The following GMEB1 variants were observed in gnomAD, a reference collection of about 807,000 sequenced individuals.
The protein encoded by GMEB1 is glucocorticoid modulatory element binding protein 1.
GMEB1 carries 6 observed loss-of-function variants against 52.4 expected under a neutral mutation model. That is an observed-to-expected ratio of 0.11 (90% CI 0.06 to 0.23). The LOEUF (loss-of-function observed/expected upper bound fraction) is 0.23. Among genes scored for constraint, GMEB1 ranks in the 10% least tolerant of loss-of-function variants. GMEB1 has a pLI of 1.00. For synonymous variants in GMEB1, 255 were observed against 244.9 expected, an observed-to-expected ratio of 1.04 and a Z score of -0.38; for missense variants, 486 against 685.6, an observed-to-expected ratio of 0.71 and a Z score of 3.25.
At chr1:28,710,831 AAAGG>A (rs1671027330) in intron 9 of GMEB1, among the ~76,000 whole-genome samples, 189 bp downstream of exon 9, 1 of 151,952 alleles carries the variant, frequency 6.6e-6, no homozygotes. Flanking sequence ...AAGGAAAAAA[AAAGG>A]AAGCTGCCAT....
intron 2 of GMEB1, among the ~76,000 whole-genome samples, chr1:28,689,354 C>T (rs1409142537): frequency 4.0e-5 from 6 of 151,764 alleles, no homozygotes; most frequent in African/African-American, 1.2e-4. Context: ...GAGCTGGGTG[C>T]GGTGGCTCAT....
intron 1 of GMEB1, among the ~76,000 whole-genome samples, chr1:28,670,547 C>T (rs374429971): frequency 6.6e-6 from 1 of 152,128 alleles, no homozygotes; most frequent in South Asian, 2.1e-4. Context: ...AGGCTGGTCT[C>T]GAACTCCCAA....
intron 1 of GMEB1, among the ~76,000 whole-genome samples, chr1:28,678,020 C>A (rs1026558336): frequency 6.6e-6 from 1 of 151,834 alleles, no homozygotes. Context: ...CCCGTCTCTA[C>A]TAAAAATACA....
At chr1:28,708,882 A>G (rs1018779886) in intron 8 of GMEB1, among the ~76,000 whole-genome samples, 1 of 151,860 alleles carries the variant, frequency 6.6e-6, no homozygotes, top group Non-Finnish European at 1.5e-5. Context: ...CTGTAATCCC[A>G]GCACTTTGGG....
At chr1:28,691,873 T>G (rs541433979) in intron 4 of GMEB1, among the ~76,000 whole-genome samples, 164 bp downstream of exon 4, 20 of 151,702 alleles carry the variant, frequency 1.3e-4, no homozygotes, top group African/African-American at 4.6e-4. Context: ...TCCTAATGTG[T>G]CACAATAGAA....
At chr1:28,697,339 G>T (rs377607528) in intron 6 of GMEB1, among the ~76,000 whole-genome samples, 2 of 151,756 alleles carry the variant, frequency 1.3e-5, no homozygotes, top group South Asian at 4.2e-4. Context: ...CTCCTGAGTA[G>T]CTGGGATTAC....
chr1:28,695,166 C>T (rs1012066936), intron 5 of GMEB1, among the ~76,000 whole-genome samples: 67 of 151,678 alleles, frequency 4.4e-4, no homozygotes, highest in African/African-American at 1.6e-3. Context: ...AGGGTTTCAC[C>T]ATGTTGGCCA....
Position 28,714,867 on chromosome 1 carries a change from CTT to C in GMEB1, c.*99_*100del. On this transcript the variant is annotated 3_prime_UTR_variant, in exon 10 of 10. Coordinates refer to ENST00000373816, the MANE Select transcript of GMEB1 (RefSeq NM_001319674.2). ...GTCCCACTCATTTCCACATAGGACC[CTT>C]TTTTAAAAAAAAAAAAACAAAATCT... 1 of 796,000 alleles carries C rather than the reference CTT, an allele frequency of 1.3e-6. No homozygotes were observed. Among genetic ancestry groups the C allele is most frequent in the Non-Finnish European group, 1.9e-6 (1 of 517,718 alleles). The allele number at this position is 796,000 out of a possible 1,614,324, so 49.3% of individuals were successfully genotyped here.
At chr1:28,696,632 G>A (rs780469953) in intron 5 of GMEB1, among the ~76,000 whole-genome samples, 4 of 152,016 alleles carry the variant, frequency 2.6e-5, no homozygotes, top group African/African-American at 2.4e-5. Context: ...TGTATTCCTA[G>A]GAGAGTTTTT....
chr1:28,690,435 C>T (rs372372772), intron 3 of GMEB1, among the ~76,000 whole-genome samples: 3 of 151,592 alleles, frequency 2.0e-5, no homozygotes, highest in Non-Finnish European at 2.9e-5. Flanking sequence ...GACTTTTTGT[C>T]GATAAAAATC....
chr1:28,692,813 T>A, intron 4 of GMEB1, 129 bp from the exon 5 acceptor site: 4 of 474,812 alleles, frequency 8.4e-6, no homozygotes, highest in Non-Finnish European at 1.5e-5. Context: ...GGAGGTTGGA[T>A]AATACAAGGC....
At chr1:28,674,114 C>T (rs1669024969) in intron 1 of GMEB1, among the ~76,000 whole-genome samples, 1 of 150,202 alleles carries the variant, frequency 6.7e-6, no homozygotes, top group South Asian at 2.1e-4. Context: ...CCTGCCATTG[C>T]ACTCCAGCCT....
intron 1 of GMEB1, among the ~76,000 whole-genome samples, chr1:28,677,754 G>A (rs1271304140): frequency 1.3e-5 from 2 of 151,974 alleles, no homozygotes; most frequent in African/African-American, 4.8e-5. Context: ...TTCCTTTTTG[G>A]CCTTTTCTAG....
chr1:28,688,974 C>T (rs1353926816), intron 2 of GMEB1, among the ~76,000 whole-genome samples: 1 of 151,434 alleles, frequency 6.6e-6, no homozygotes, highest in Non-Finnish European at 1.5e-5. Context: ...TCACTGCAAC[C>T]TCCGCCTCCC....
At chr1:28,668,702 G>A (rs544539958), upstream of GMEB1, 28 of 154,146 alleles carry the variant, frequency 1.8e-4, 1 homozygote, top group South Asian at 5.5e-3. Flanking sequence ...TAAGGCGCCA[G>A]CTCTCCGGCG....
rs770085420 is a variant in GMEB1 at position 28,683,593 on chromosome 1, T to A, written c.-20T>A. 22 of 1,589,244 alleles carry A rather than the reference T, an allele frequency of 1.4e-5. No homozygotes were observed. Among genetic ancestry groups the A allele is most frequent in the Non-Finnish European group, 1.9e-5 (22 of 1,169,252 alleles). ...TCTTGTTCCCGACAGCAGTCCCAGC[T>A]ATCTGACTTCATGTGAAAGATGGCT... On this transcript the variant is annotated 5_prime_UTR_variant, in exon 2 of 10. Coordinates refer to ENST00000373816, the MANE Select transcript of GMEB1 (RefSeq NM_001319674.2).
Position 28,669,934 on chromosome 1 carries a change from C to G in GMEB1, c.-31+1095C>G, listed in dbSNP as rs944543649. On this transcript the variant is annotated intron_variant, in intron 1 of 9. Transcript: ENST00000373816. The stretch of plus-strand genomic sequence containing the variant: ...CAAGACAAGAGGGTGAAGTCTTGAC[C>G]TAGACAGCAGAGCAGGCGCAGCCCT... Among the ~76,000 whole-genome samples, 3 of 152,068 alleles carry G rather than the reference C, an allele frequency of 2.0e-5. No homozygotes were observed. In the East Asian group the frequency reaches 5.8e-4, roughly 29 times the overall value.
chr1:28,678,622 A>G (rs1452278236), intron 1 of GMEB1, among the ~76,000 whole-genome samples: 2 of 149,952 alleles, frequency 1.3e-5, no homozygotes, highest in African/African-American at 4.9e-5. Flanking sequence ...TTCTAGTTTT[A>G]TATAATTTTA....
At chr1:28,690,625 T>G (rs1196715203) in intron 3 of GMEB1, among the ~76,000 whole-genome samples, 2 of 152,156 alleles carry the variant, frequency 1.3e-5, no homozygotes, top group Non-Finnish European at 2.9e-5. Flanking sequence ...GGAAAGTCAG[T>G]TAGCCTTTCT....
Sources: gnomAD v4.1 joint callset for allele counts (sites outside exome capture counted in the v4.1 genomes callset) on GRCh38, gnomAD v4.1.1 for gene constraint, MANE v1.5 for transcripts, NCBI Gene and HGNC (gene_info 2026-07-23, HGNC 2026-07-21) for gene names.